Variants in SEC22A observed in about 807,000 individuals in gnomAD.
SEC22A encodes the protein SEC22 homolog A, vesicle trafficking protein.
In SEC22A, 22 loss-of-function variants were observed where a neutral mutation model predicts 35.3. The observed-to-expected ratio is 0.62, with a 90% CI of 0.45 to 0.89. The LOEUF is 0.89. Among genes scored for constraint, SEC22A ranks in the 40% least tolerant of loss-of-function variants. SEC22A has a pLI of 0.00. For synonymous variants in SEC22A, 119 were observed against 129.5 expected (o/e 0.92, Z 0.55); for missense variants, 354 against 362.5 (o/e 0.98, Z 0.19).
intron 6 of SEC22A, among the ~76,000 whole-genome samples, chr3:123,269,334 G>A (rs966202682): frequency 4.6e-5 from 7 of 151,758 alleles, no homozygotes; most frequent in African/African-American, 1.7e-4. Flanking sequence ...ATTGTTGCAG[G>A]CAAGAATCAT....
intron 2 of SEC22A, among the ~76,000 whole-genome samples, chr3:123,215,289 T>G (rs1483623350): frequency 6.6e-6 from 1 of 152,216 alleles, no homozygotes. Context: ...GTCTCTCACC[T>G]TTTGCAGATA....
At chr3:123,268,468 T>C (rs1336628258) in intron 6 of SEC22A, among the ~76,000 whole-genome samples, 1 of 152,158 alleles carries the variant, frequency 6.6e-6, no homozygotes, top group Non-Finnish European at 1.5e-5. Context: ...AGAGTCTTCT[T>C]ATGCTTGTTT....
intron 6 of SEC22A, among the ~76,000 whole-genome samples, chr3:123,264,230 A>G (rs1452114037): frequency 6.6e-6 from 1 of 152,246 alleles, no homozygotes; most frequent in African/African-American, 2.4e-5. Flanking sequence ...ATTGAAGGAT[A>G]TATGAGTTGT....
At position 123,271,825 on chromosome 3, in the gene SEC22A, T is replaced by G. The variant is rs765020117; in HGVS notation, c.*103T>G. The G allele has an allele frequency of 1.0e-6, 1 of 957,482 alleles. No individual in the cohort carries two copies. Among genetic ancestry groups the G allele is most frequent in the Non-Finnish European group, 1.6e-6 (1 of 641,430 alleles). The allele number at this position is 957,482 out of a possible 1,614,324, so 59.3% of individuals were successfully genotyped here. A position where few individuals can be genotyped will look rare whatever the true frequency, so the allele number is the denominator to read the frequency against. On this transcript the variant is annotated 3_prime_UTR_variant, in exon 7 of 7. Coordinates refer to ENST00000492595, the MANE Select transcript of SEC22A (RefSeq NM_012430.5). ...GCTGTTCCCCACAGAGGAGAAGCTC[T>G]GCTTTCTTTCTCTCCAACTTTCCTT...
intron 4 of SEC22A, among the ~76,000 whole-genome samples, chr3:123,242,780 G>A (rs1326933858): frequency 6.6e-6 from 1 of 152,172 alleles, no homozygotes; most frequent in Non-Finnish European, 1.5e-5. Context: ...AGAAAAGTTA[G>A]TCATTCCAGT....
chr3:123,236,866 C>G (rs1420675608), intron 4 of SEC22A, among the ~76,000 whole-genome samples: 1 of 151,724 alleles, frequency 6.6e-6, no homozygotes, highest in African/African-American at 2.4e-5. Context: ...CAATGAAAGC[C>G]AGAAGACAAC....
chr3:123,233,121 C>A (rs963511881), intron 4 of SEC22A, among the ~76,000 whole-genome samples: 5 of 152,116 alleles, frequency 3.3e-5, no homozygotes, highest in Non-Finnish European at 4.4e-5. Flanking sequence ...CAGAGCAAGA[C>A]CATGTCTCTA....
chr3:123,268,654 C>T (rs1371867677), intron 6 of SEC22A, among the ~76,000 whole-genome samples: 2 of 152,186 alleles, frequency 1.3e-5, no homozygotes, highest in African/African-American at 2.4e-5. Context: ...AGAATACAGA[C>T]ATCTGTCTAC....
chr3:123,207,491 C>T (rs1432392249), intron 1 of SEC22A, among the ~76,000 whole-genome samples: 1 of 152,192 alleles, frequency 6.6e-6, no homozygotes, highest in Non-Finnish European at 1.5e-5. Context: ...TGCCTCACCA[C>T]TAGTGAGGAA....
intron 6 of SEC22A, among the ~76,000 whole-genome samples, chr3:123,268,616 C>G (rs550953704): frequency 6.2e-4 from 95 of 152,234 alleles, no homozygotes; most frequent in African/African-American, 2.1e-3. Context: ...TATTTTTTAC[C>G]TTAAAATACT....
intron 4 of SEC22A, among the ~76,000 whole-genome samples, chr3:123,229,472 T>A (rs62262566): frequency 0.16 from 24,230 of 152,146 alleles, 2,274 homozygotes; most frequent in Middle Eastern, 0.27. Context: ...TCTAGCAAAG[T>A]TATCTTTTAA....
intron 6 of SEC22A, among the ~76,000 whole-genome samples, chr3:123,266,457 A>G (rs1576506131): frequency 1.3e-5 from 2 of 152,200 alleles, no homozygotes; most frequent in Admixed American, 1.3e-4. Flanking sequence ...CTTTAGCTGT[A>G]TTCCATAAAT....
intron 4 of SEC22A, among the ~76,000 whole-genome samples, chr3:123,228,067 C>A (rs1172496295): frequency 6.6e-6 from 1 of 151,848 alleles, no homozygotes; most frequent in Non-Finnish European, 1.5e-5. Flanking sequence ...TAAATTTGGA[C>A]TGAATACAAC....
rs139749210 is a variant in SEC22A, at chr3:123,205,030, A to T, written c.-20+3044A>T. Among the ~76,000 whole-genome samples, 1,188 of 151,022 alleles carry T rather than the reference A, an allele frequency of 7.9e-3. 14 individuals are homozygous for T. The highest frequency in any genetic ancestry group is 0.025 in the African/African-American group (1,014 of 41,138). On this transcript the variant is annotated intron_variant, in intron 1 of 6. Transcript: ENST00000492595. ...GACAGATTTCCTTTTCTGCTAGCAC[A>T]GTCCAGATAAGATTAGTTTAAAAAA...
chr3:123,270,571 AGGCACTGTTCTG>A (rs1474566661), intron 6 of SEC22A, among the ~76,000 whole-genome samples: 1 of 152,234 alleles, frequency 6.6e-6, no homozygotes, highest in Non-Finnish European at 1.5e-5. Flanking sequence ...ACTATGTCCC[AGGCACTGTTCTG>A]GGCACTGGAG....
intron 6 of SEC22A, among the ~76,000 whole-genome samples, chr3:123,270,039 T>C (rs1938123772): frequency 6.6e-6 from 1 of 152,158 alleles, no homozygotes; most frequent in Non-Finnish European, 1.5e-5. Flanking sequence ...AAAAGGACCC[T>C]AGTGGGACAA....
chr3:123,259,178 T>A (rs1299417272), intron 5 of SEC22A, among the ~76,000 whole-genome samples: 2 of 152,234 alleles, frequency 1.3e-5, no homozygotes, highest in Admixed American at 1.3e-4. Flanking sequence ...GGAGTAACTT[T>A]GTCAGCCACT....
intron 4 of SEC22A, among the ~76,000 whole-genome samples, chr3:123,240,279 G>A (rs566319098): frequency 1.6e-4 from 24 of 152,226 alleles, no homozygotes; most frequent in Admixed American, 6.5e-4. Context: ...CATCTCCCCC[G>A]AAAAGTTTCT....
intron 4 of SEC22A, among the ~76,000 whole-genome samples, chr3:123,227,895 G>A (rs1458880657): frequency 6.6e-6 from 1 of 150,664 alleles, no homozygotes; most frequent in Admixed American, 6.6e-5. Flanking sequence ...GTTGCAATGA[G>A]CTGAGATCGT....
Sources: allele counts gnomAD v4.1 joint callset (sites outside exome capture counted in the v4.1 genomes callset), GRCh38; gene constraint gnomAD v4.1.1; transcripts MANE v1.5; gene names NCBI Gene and HGNC (gene_info 2026-07-23, HGNC 2026-07-21).